MAMLD1: variants seen among roughly 807,000 people sequenced by gnomAD.
MAMLD1 encodes the protein mastermind like domain containing 1.
A neutral mutation model predicts 45.0 loss-of-function variants in MAMLD1; 14 were observed. The observed-to-expected ratio is 0.31, with a 90% CI of 0.21 to 0.49. The LOEUF (loss-of-function observed/expected upper bound fraction) is 0.49. Ranked by LOEUF, MAMLD1 falls within the 20% of genes least tolerant of loss-of-function variation. The pLI is 0.99. For synonymous variants in MAMLD1, 254 were observed against 247.8 expected (o/e 1.02, Z -0.24); for missense variants, 543 against 603.6 (o/e 0.90, Z 1.05).
intron 5 of MAMLD1, among the ~76,000 whole-genome samples, chrX:150,486,055 A>G: frequency 8.9e-6 from 1 of 111,935 alleles, no homozygotes; most frequent in African/African-American, 3.2e-5. Context: ...CTTAAACAAT[A>G]AAGGGGACTT....
chrX:150,417,854 GTTGT>G (rs1350998518), intron 1 of MAMLD1, among the ~76,000 whole-genome samples: 37 of 110,429 alleles, frequency 3.4e-4, no homozygotes, highest in African/African-American at 1.1e-3. Flanking sequence ...TTTTGATGGG[GTTGT>G]TTGTTTTTTT....
At chrX:150,375,808 G>A (rs184686237) in intron 1 of MAMLD1, among the ~76,000 whole-genome samples, 61 of 112,078 alleles carry the variant, frequency 5.4e-4, no homozygotes, top group Non-Finnish European at 9.4e-4. Flanking sequence ...GGAGGGAGAG[G>A]AATCGTGCAA....
intron 7 of MAMLD1, 72 bp downstream of exon 7, chrX:150,510,118 A>G (rs1015159350): frequency 8.4e-5 from 56 of 670,594 alleles, no homozygotes; most frequent in Non-Finnish European, 1.2e-4. Flanking sequence ...GTGAGAATTC[A>G]TTTCAGAGTA....
chrX:150,416,206 C>T (rs782561770), intron 1 of MAMLD1, among the ~76,000 whole-genome samples: 76 of 111,411 alleles, frequency 6.8e-4, no homozygotes, highest in South Asian at 3.1e-3. Context: ...AGCTCTTGGG[C>T]TTATGGGATA....
intron 1 of MAMLD1, among the ~76,000 whole-genome samples, chrX:150,422,226 C>G (rs2034542149): frequency 8.9e-6 from 1 of 112,360 alleles, no homozygotes; most frequent in Non-Finnish European, 1.9e-5. Flanking sequence ...CAGGATCTTT[C>G]AGAATGTGGA....
intron 1 of MAMLD1, among the ~76,000 whole-genome samples, chrX:150,426,085 C>T (rs2034692872): frequency 9.0e-6 from 1 of 111,451 alleles, no homozygotes. Context: ...ATACTGACAT[C>T]TAGGAGGCCA....
chrX:150,495,841 G>A (rs1469714103), intron 5 of MAMLD1, among the ~76,000 whole-genome samples: 1 of 112,328 alleles, frequency 8.9e-6, no homozygotes, highest in Non-Finnish European at 1.9e-5. Context: ...TATAGACCAC[G>A]ATCCTTTCCA....
intron 1 of MAMLD1, among the ~76,000 whole-genome samples, chrX:150,430,281 G>C (rs145488381): frequency 0.011 from 1,245 of 109,546 alleles, 16 homozygotes; most frequent in African/African-American, 0.038. Context: ...CCCCAAAATG[G>C]CTTCTGCCCG....
In MAMLD1 at chrX:150,479,070, G is replaced by GTT. The variant is rs782400522; in HGVS notation, c.2040+5276_2040+5277dup. Among the ~76,000 whole-genome samples, 372 of 109,599 alleles carry GTT rather than the reference G, an allele frequency of 3.4e-3. 2 individuals are homozygous for GTT. Among genetic ancestry groups the GTT allele is most frequent in the Admixed American group, 6.6e-3 (68 of 10,342 alleles). ...TAATCTTACCAAGAATCAAAAAAAA[G>GTT]TTTTTTTTTCAGTTTCTTTTTCGGT... On this transcript the variant is annotated intron_variant, in intron 5 of 7. Coordinates refer to ENST00000370401, the MANE Select transcript of MAMLD1 (RefSeq NM_005491.5).
intron 1 of MAMLD1, among the ~76,000 whole-genome samples, chrX:150,398,113 G>A: frequency 9.2e-6 from 1 of 108,735 alleles, no homozygotes; most frequent in African/African-American, 3.4e-5. Context: ...CAACAGTTCT[G>A]CCAGGTTCCA....
At chrX:150,419,519 G>A (rs1296532724) in intron 1 of MAMLD1, among the ~76,000 whole-genome samples, 2 of 107,885 alleles carry the variant, frequency 1.9e-5, no homozygotes, top group Non-Finnish European at 3.9e-5. Flanking sequence ...AGTTGATGCA[G>A]TTTCTTCCTA....
At position 150,410,429 on chromosome X, in the gene MAMLD1, G is replaced by A. The variant is rs1557402793; in HGVS notation, c.-63-35025G>A. The stretch of plus-strand genomic sequence containing the variant: ...TGCCACATGCCAGGCTGGCTTCTAC[G>A]GACTGGACATTCAGCATGAGTCTCC... On this transcript the variant is annotated intron_variant, in intron 1 of 7. Transcript: ENST00000370401. Among the ~76,000 whole-genome samples, 8 of 112,201 alleles carry A rather than the reference G, an allele frequency of 7.1e-5. No homozygotes were observed. The East Asian group carries it at 2.0e-3, about 28-fold the overall frequency.
rs782160825 is a variant in MAMLD1 at position 150,364,190 on chromosome X, C to T, written c.-64+660C>T. Among the ~76,000 whole-genome samples, 10 of 112,957 alleles carry T rather than the reference C, an allele frequency of 8.9e-5. No individual in the cohort carries two copies. The South Asian group carries it at 3.6e-3, about 40-fold the overall frequency. The stretch of plus-strand genomic sequence containing the variant: ...CGTCAGAGTCCGCGCTTCAGGTTCC[C>T]CAGCATCCGCGCGACGACAGAGCTG... On this transcript the variant is annotated intron_variant, in intron 1 of 7. Coordinates refer to ENST00000370401, the MANE Select transcript of MAMLD1 (RefSeq NM_005491.5).
intron 1 of MAMLD1, among the ~76,000 whole-genome samples, chrX:150,421,585 C>T (rs2034516555): frequency 8.9e-6 from 1 of 112,452 alleles, no homozygotes; most frequent in South Asian, 3.7e-4. Flanking sequence ...GGACTTACCA[C>T]CAGTATAATT....
chrX:150,398,455 A>G lies in MAMLD1; in HGVS notation c.-64+34925A>G, dbSNP rs184979164. Among the ~76,000 whole-genome samples the G allele has an allele frequency of 2.7e-5, 3 of 111,117 alleles. No homozygotes were observed. The East Asian group carries it at 8.6e-4, about 32-fold the overall frequency. On this transcript the variant is annotated intron_variant, in intron 1 of 7. Transcript: ENST00000370401. ...ACTAGCTTTCCAAAGGTCCATACGA[A>G]CATTAGTTGTGGATATTCCTTCTTT... is the stretch of plus-strand genomic sequence containing the variant.
At chrX:150,505,098 T>TA (rs2037685198) in intron 6 of MAMLD1, 6 of 751,200 alleles carry the variant, frequency 8.0e-6, no homozygotes, top group Non-Finnish European at 9.4e-6. Flanking sequence ...AAACAAAGGG[T>TA]AAAAAGAATT....
Position 150,470,685 on chromosome X carries a change from C to T in MAMLD1, c.1112C>T (p.Ser371Leu), listed in dbSNP as rs985176515. The T allele has an allele frequency of 9.1e-6, 11 of 1,210,280 alleles. No individual in the cohort carries two copies. Among genetic ancestry groups the T allele is most frequent in the African/African-American group, 7.0e-5 (4 of 57,226 alleles). ...CAGAGCCTCATGGTGTCCTGCATGT[C>T]GTCCAATACCTTGTCGGGTAGCACT... ...SPQSLMVSCM[S>L]SNTLSGSTLR... Residue 371 changes from serine to leucine, a missense_variant, in exon 4 of 8, where the codon TCG becomes TTG. By Grantham distance (145) the Ser-to-Leu change is moderately radical. Coordinates refer to ENST00000370401, the MANE Select transcript of MAMLD1 (RefSeq NM_005491.5).
At chrX:150,444,555 T>C (rs782805634) in intron 1 of MAMLD1, among the ~76,000 whole-genome samples, 1 of 111,876 alleles carries the variant, frequency 8.9e-6, no homozygotes, top group South Asian at 3.8e-4. Context: ...GTTTGTTTTA[T>C]ATATAATGCC....
intron 1 of MAMLD1, among the ~76,000 whole-genome samples, chrX:150,367,629 T>C (rs1229801261): frequency 1.8e-5 from 2 of 111,979 alleles, no homozygotes; most frequent in East Asian, 2.8e-4. Flanking sequence ...TACATATGTA[T>C]ACATGTGCCA....
Sources: allele counts gnomAD v4.1 joint callset (sites outside exome capture counted in the v4.1 genomes callset), GRCh38; gene constraint gnomAD v4.1.1; transcripts MANE v1.5; gene names NCBI Gene and HGNC (gene_info 2026-07-23, HGNC 2026-07-21).